Variants in MYO16 observed in about 807,000 individuals in gnomAD.
MYO16 encodes the protein unconventional myosin-XVI.
MYO16 carries 94 observed loss-of-function variants against 205.3 expected under a neutral mutation model. The observed-to-expected ratio is 0.46, with a 90% CI of 0.39 to 0.54. The LOEUF (loss-of-function observed/expected upper bound fraction) is 0.54. MYO16 is among the 20% of genes least tolerant of loss of function. MYO16 has a pLI of 0.00. For missense variants in MYO16, 2,315 were observed against 2,387.5 expected (o/e 0.97, Z 0.63); for synonymous variants, 988 against 954.0 (o/e 1.04, Z -0.66).
chr13:108,720,929 A>G (rs1238234087), intron 3 of MYO16, among the ~76,000 whole-genome samples: 1 of 152,256 alleles, frequency 6.6e-6, no homozygotes, highest in Non-Finnish European at 1.5e-5. Flanking sequence ...AGGGTCATTC[A>G]TGATATGTTC....
intron 23 of MYO16, among the ~76,000 whole-genome samples, chr13:109,045,078 G>A (rs1209987353): frequency 1.3e-5 from 2 of 152,142 alleles, no homozygotes; most frequent in East Asian, 3.8e-4. Flanking sequence ...CTGCAGCACT[G>A]GAACATTGAA....
At chr13:108,928,962 T>C (rs1169971618) in intron 16 of MYO16, among the ~76,000 whole-genome samples, 1 of 152,146 alleles carries the variant, frequency 6.6e-6, no homozygotes, top group Non-Finnish European at 1.5e-5. Context: ...GTAATAAAAT[T>C]AGAAACTAAA....
At chr13:109,024,879 A>C (rs1214448403) in intron 23 of MYO16, among the ~76,000 whole-genome samples, 2 of 152,210 alleles carry the variant, frequency 1.3e-5, no homozygotes, top group Non-Finnish European at 2.9e-5. Flanking sequence ...GTAGACACAT[A>C]CACTTAAATT....
At position 108,869,026 on chromosome 13, in the gene MYO16, G is replaced by A. The variant is rs369200936; in HGVS notation, c.1425+2784G>A. The stretch of plus-strand genomic sequence containing the variant: ...AATTTCCATTCAGTTTGATTGGTCT[G>A]TTAAAATACATTTTTATGCCTCGTA... On this transcript the variant is annotated intron_variant, in intron 12 of 34. Transcript: ENST00000457511. Among the ~76,000 whole-genome samples the A allele has an allele frequency of 5.9e-5, 9 of 152,184 alleles. No homozygotes were observed. In the South Asian group the frequency reaches 8.3e-4, roughly 14 times the overall value.
chr13:108,590,092 A>G, the MYO16 span, among the ~76,000 whole-genome samples: 1 of 152,202 alleles, frequency 6.6e-6, no homozygotes, highest in African/African-American at 2.4e-5. Flanking sequence ...TAATCACCTC[A>G]ATGAGAAGAA....
At chr13:108,916,859 A>G (rs921484113) in intron 16 of MYO16, among the ~76,000 whole-genome samples, 3 of 152,216 alleles carry the variant, frequency 2.0e-5, no homozygotes, top group African/African-American at 7.2e-5. Flanking sequence ...ACAGAGGTGG[A>G]TTTCAAACTA....
At chr13:108,509,999 G>GCTCTT in the MYO16 span, among the ~76,000 whole-genome samples, 1 of 152,184 alleles carries the variant, frequency 6.6e-6, no homozygotes, top group Non-Finnish European at 1.5e-5. Context: ...AGAGCAAGGG[G>GCTCTT]CTAAAGCCAT....
intron 4 of MYO16, 129 bp from the exon 5 acceptor site, chr13:108,785,506 A>T (rs771134577): frequency 8.3e-6 from 4 of 484,624 alleles, no homozygotes; most frequent in Non-Finnish European, 1.4e-5. Context: ...TTCCTACCCG[A>T]TTCTTCAGGG....
chr13:108,710,371 A>G (rs780769982), intron 2 of MYO16, among the ~76,000 whole-genome samples: 3 of 152,154 alleles, frequency 2.0e-5, no homozygotes, highest in Non-Finnish European at 4.4e-5. Context: ...TTATACACTC[A>G]TCCTCCAGGT....
intron 4 of MYO16, among the ~76,000 whole-genome samples, chr13:108,743,027 G>T (rs1884956162): frequency 6.6e-6 from 1 of 152,174 alleles, no homozygotes; most frequent in Admixed American, 6.5e-5. Context: ...GGCCACAGTT[G>T]CTAAGCTATT....
intron 27 of MYO16, among the ~76,000 whole-genome samples, chr13:109,074,813 G>A (rs1284760238): frequency 2.0e-5 from 3 of 152,156 alleles, no homozygotes; most frequent in Non-Finnish European, 4.4e-5. Flanking sequence ...CAGCACGGGG[G>A]AACCACCCCA....
intron 2 of MYO16, among the ~76,000 whole-genome samples, chr13:108,682,253 A>G (rs999859182): frequency 6.6e-6 from 1 of 152,230 alleles, no homozygotes; most frequent in Non-Finnish European, 1.5e-5. Flanking sequence ...GTTGAGAAAC[A>G]TGATGAATAT....
At chr13:108,939,328 G>C (rs747881702) in intron 16 of MYO16, among the ~76,000 whole-genome samples, 54 of 152,204 alleles carry the variant, frequency 3.5e-4, no homozygotes, top group Admixed American at 7.2e-4. Context: ...TGCCAGGGTT[G>C]CTGGGGTCCC....
rs770988720 is a variant in MYO16 at position 108,667,320 on chromosome 13, GT to G, written c.292+1187del. ...GTAATATTCTGAGAATTTCTGTTTTGTTTTTTTTTTTTTTTTGTCTTAAACT... is the reference window on the plus strand; with the variant it reads ...GTAATATTCTGAGAATTTCTGTTTTGTTTTTTTTTTTTTTTGTCTTAAACT... On this transcript the variant is annotated intron_variant, in intron 2 of 34. Transcript: ENST00000457511. Among the ~76,000 whole-genome samples the G allele has an allele frequency of 4.6e-3, 586 of 128,524 alleles. 3 individuals carry two copies. Among genetic ancestry groups the G allele is most frequent in the African/African-American group, 0.012 (416 of 34,842 alleles). 84.3% of individuals were successfully genotyped at this position (128,524 alleles called of 152,430 possible).
chr13:108,650,527 T>C (rs1880954268), intron 1 of MYO16, among the ~76,000 whole-genome samples: 1 of 152,142 alleles, frequency 6.6e-6, no homozygotes, highest in South Asian at 2.1e-4. Context: ...AAAGATGAAA[T>C]ATGTAGATAT....
At chr13:108,610,899 T>G (rs1006185477) in intron 1 of MYO16, among the ~76,000 whole-genome samples, 2 of 152,194 alleles carry the variant, frequency 1.3e-5, no homozygotes, top group South Asian at 2.1e-4. Context: ...TCTGGATAGA[T>G]AAGTCTACCG....
At chr13:109,109,912 G>C (rs1456295017) in intron 28 of MYO16, among the ~76,000 whole-genome samples, 1 of 152,194 alleles carries the variant, frequency 6.6e-6, no homozygotes, top group African/African-American at 2.4e-5. Flanking sequence ...TCCTAAAGAT[G>C]CACTACATAA....
chr13:108,828,856 C>T (rs1300905544), intron 9 of MYO16, among the ~76,000 whole-genome samples: 1 of 152,198 alleles, frequency 6.6e-6, no homozygotes, highest in Non-Finnish European at 1.5e-5. Context: ...TTGATGTACC[C>T]TGCATCCTTG....
chr13:108,828,663 G>A (rs1171529756), intron 9 of MYO16, among the ~76,000 whole-genome samples: 1 of 152,116 alleles, frequency 6.6e-6, no homozygotes, highest in Non-Finnish European at 1.5e-5. Flanking sequence ...TGTGATTAAA[G>A]ACCAACCATG....
Sources: allele counts gnomAD v4.1 joint callset (sites outside exome capture counted in the v4.1 genomes callset), GRCh38; gene constraint gnomAD v4.1.1; transcripts MANE v1.5; gene names NCBI Gene and HGNC (gene_info 2026-07-23, HGNC 2026-07-21).